VEZT: variants seen among roughly 807,000 people sequenced by gnomAD.
The protein encoded by VEZT is vezatin, adherens junctions transmembrane protein.
In VEZT, 39 loss-of-function variants were observed where a neutral mutation model predicts 79.9. The ratio of observed to expected loss-of-function variants is 0.49; its 90% CI spans 0.38 to 0.64. VEZT has a LOEUF of 0.64. Among genes scored for constraint, VEZT ranks in the 30% least tolerant of loss-of-function variants. The pLI is 0.00. For synonymous variants in VEZT, 325 were observed against 327.6 expected, an observed-to-expected ratio of 0.99 and a Z score of 0.09; for missense variants, 837 against 893.1, an observed-to-expected ratio of 0.94 and a Z score of 0.80.
intron 7 of VEZT, among the ~76,000 whole-genome samples, chr12:95,280,291 A>G (rs940364364): frequency 3.3e-5 from 5 of 152,018 alleles, no homozygotes; most frequent in African/African-American, 9.7e-5. Context: ...CCATAGATCT[A>G]CCCTGTGTGC....
chr12:95,249,317 G>A (rs544306490), intron 1 of VEZT, among the ~76,000 whole-genome samples: 122 of 152,224 alleles, frequency 8.0e-4, no homozygotes, highest in Non-Finnish European at 1.3e-3. Flanking sequence ...TTTAAAGTAT[G>A]TAAGGTCGGC....
At chr12:95,256,457 G>T in intron 2 of VEZT, 2 of 640,642 alleles carry the variant, frequency 3.1e-6, no homozygotes, top group Non-Finnish European at 4.5e-6. Flanking sequence ...ACTTTACATT[G>T]ATTGTAATTC....
intron 4 of VEZT, 98 bp from the exon 5 acceptor site, chr12:95,266,259 A>C: frequency 1.5e-6 from 2 of 1,298,002 alleles, no homozygotes; most frequent in Non-Finnish European, 2.1e-6. Flanking sequence ...TTATTTATTT[A>C]GTAAACCTAA....
At chr12:95,240,866 A>G (rs997731697) in intron 1 of VEZT, among the ~76,000 whole-genome samples, 2 of 152,064 alleles carry the variant, frequency 1.3e-5, no homozygotes, top group South Asian at 2.1e-4. Flanking sequence ...TTGATTCCTT[A>G]TACTCAAAAA....
intron 5 of VEZT, chr12:95,269,739 A>G (rs1318014027): frequency 4.9e-6 from 1 of 203,434 alleles, no homozygotes. Flanking sequence ...CTTAATAAAT[A>G]TTTCTACATT....
chr12:95,252,070 A>G lies in VEZT; in HGVS notation c.167A>G (p.Lys56Arg). 1 of 1,602,290 alleles carries G rather than the reference A, an allele frequency of 6.2e-7. No individual in the cohort carries two copies. The highest frequency in any genetic ancestry group is 8.5e-7 in the Non-Finnish European group (1 of 1,176,364). Reference protein sequence around the residue: ...QQKPPTRVLPKQGILLKVAET... With the variant: ...QQKPPTRVLPRQGILLKVAET... ...AAGCCTCCTACAAGAGTCCTACCAA[A>G]AGTAAGAACGCATGCTCATTCTTTC... The change falls in exon 2 of 12, where the codon AAA becomes AGA. Residue 56 changes from lysine to arginine, a missense_variant and splice_region_variant. Physicochemically the swap from Lys to Arg is conservative, Grantham distance 26. Transcript: ENST00000436874.
At chr12:95,269,978 G>A in intron 5 of VEZT, 73 bp from the exon 6 acceptor site, 1 of 1,512,682 alleles carries the variant, frequency 6.6e-7, no homozygotes, top group Non-Finnish European at 8.9e-7. Context: ...ATAGAATTGT[G>A]GATTTAGGAA....
Position 95,227,684 on chromosome 12 carries a change from C to G in VEZT, c.36+9798C>G, listed in dbSNP as rs541552011. 3.2e-4 allele frequency among the ~76,000 whole-genome samples: 49 copies of G among 152,042 alleles called. No individual in the cohort carries two copies. The East Asian group carries it at 6.8e-3, about 21-fold the overall frequency. ...CAGAGAGTGGGTTTTGACATGTTGC[C>G]CAGGTTCAAGTGATTGTTCTGCCTC... is the stretch of plus-strand genomic sequence containing the variant. On this transcript the variant is annotated intron_variant, in intron 1 of 11. Coordinates refer to ENST00000436874, the MANE Select transcript of VEZT (RefSeq NM_017599.4).
rs1460046431 is a variant in VEZT at position 95,266,550 on chromosome 12, A to G, written c.628A>G (p.Asn210Asp). 2 of 1,613,888 alleles carry G rather than the reference A, an allele frequency of 1.2e-6. No homozygotes were observed. The highest frequency in any genetic ancestry group is 2.7e-5 in the African/African-American group (2 of 74,938). ...YSVHLEDMAT[N>D]SRAFTNLVRK... Reference sequence around the variant, plus strand: ...CGTTCATTTGGAAGATATGGCCACAAACAGCCGAGCTTTTACTAACCTCGT... The same window carrying G: ...CGTTCATTTGGAAGATATGGCCACAGACAGCCGAGCTTTTACTAACCTCGT... The change falls in exon 5 of 12, where the codon AAC (asparagine) becomes GAC (aspartate). Residue 210 changes from asparagine to aspartate, a missense_variant. Physicochemically the swap from Asn to Asp is conservative, Grantham distance 23. Transcript: ENST00000436874.
intron 1 of VEZT, among the ~76,000 whole-genome samples, chr12:95,239,619 G>A (rs1425879892): frequency 6.6e-6 from 1 of 152,108 alleles, no homozygotes; most frequent in South Asian, 2.1e-4. Flanking sequence ...GGTGCATCAG[G>A]GCTAGTGTGA....
At position 95,300,577 on chromosome 12, in the gene VEZT, ATC is replaced by A. The variant is rs781606660; in HGVS notation, c.2251_2252del (p.Ser751LeufsTer12). On this transcript the variant is annotated frameshift_variant, in exon 12 of 12. Transcript: ENST00000436874. LOFTEE classifies it high-confidence loss of function. Reference protein sequence around the residue: ...AGLAAEVAARSLSFTTMQEQT... With the variant: ...AGLAAEVAARXLSFTTMQEQT... The stretch of plus-strand genomic sequence containing the variant: ...GCCTTGCTGCAGAAGTGGCTGCTAG[ATC>A]TCTCTCCTTTACCACCATGCAGGAA... 2.5e-6 allele frequency: 4 copies of A among 1,613,948 alleles called. No homozygotes were observed. The highest frequency in any genetic ancestry group is 2.5e-6 in the Non-Finnish European group (3 of 1,179,894).
intron 1 of VEZT, among the ~76,000 whole-genome samples, chr12:95,229,413 A>T (rs1427794986): frequency 6.6e-6 from 1 of 152,244 alleles, no homozygotes; most frequent in East Asian, 1.9e-4. Context: ...ACGAGGAGTC[A>T]AGAGACTGAC....
intron 3 of VEZT, among the ~76,000 whole-genome samples, chr12:95,259,837 C>T (rs896702021): frequency 5.9e-5 from 9 of 152,150 alleles, no homozygotes; most frequent in Non-Finnish European, 1.0e-4. Flanking sequence ...TACCTTGTAA[C>T]ACAGTTAACA....
chr12:95,220,414 C>T (rs184954544), intron 1 of VEZT, among the ~76,000 whole-genome samples: 68 of 152,242 alleles, frequency 4.5e-4, no homozygotes, highest in Non-Finnish European at 7.8e-4. Context: ...CATGATCGCA[C>T]CGCTGTACTC....
At chr12:95,298,902 TG>T (rs1408026176) in intron 11 of VEZT, 2 of 152,828 alleles carry the variant, frequency 1.3e-5, no homozygotes, top group Non-Finnish European at 2.9e-5. Flanking sequence ...ATTGACATTA[TG>T]GGAAAGATTT....
chr12:95,241,664 G>A (rs1171501659), intron 1 of VEZT, among the ~76,000 whole-genome samples: 1 of 152,102 alleles, frequency 6.6e-6, no homozygotes, highest in Non-Finnish European at 1.5e-5. Context: ...TGTGGGGAGG[G>A]GGAGTTGTGC....
chr12:95,283,035 A>T (rs1368685927), intron 8 of VEZT, among the ~76,000 whole-genome samples: 1 of 152,218 alleles, frequency 6.6e-6, no homozygotes, highest in Non-Finnish European at 1.5e-5. Flanking sequence ...GGAACAGTAT[A>T]TATGTTATAT....
In VEZT at chr12:95,286,496, T is replaced by C. The variant is rs114518779; in HGVS notation, c.1329-1168T>C. The C allele has an allele frequency of 4.6e-3, 2,548 of 554,878 alleles. 59 individuals carry two copies. Among genetic ancestry groups the C allele is most frequent in the African/African-American group, 0.044 (2,317 of 52,376 alleles). The allele number at this position is 554,878 out of a possible 1,614,324, so 34.4% of individuals were successfully genotyped here. A position where few individuals can be genotyped will look rare whatever the true frequency, so the allele number is the denominator to read the frequency against. ...ATTATTCTTTCAGGATCAAGACCTCTGGCAATTCCTCTTGGTTTGTCAACA... is the reference window on the plus strand; with the variant it reads ...ATTATTCTTTCAGGATCAAGACCTCCGGCAATTCCTCTTGGTTTGTCAACA... On this transcript the variant is annotated intron_variant, in intron 8 of 11. Coordinates refer to ENST00000436874, the MANE Select transcript of VEZT (RefSeq NM_017599.4).
rs1190110094 is a variant in VEZT, at chr12:95,300,768, TA to T, written c.*96del. Reference sequence around the variant, plus strand: ...AGGGAATATGAGTGTAAGTTTACTATATATAAAGCTAAGATGTGGATTTACA... The same window carrying T: ...AGGGAATATGAGTGTAAGTTTACTATTATAAAGCTAAGATGTGGATTTACA... On this transcript the variant is annotated 3_prime_UTR_variant, in exon 12 of 12. Transcript: ENST00000436874. The T allele has an allele frequency of 1.4e-6, 2 of 1,399,244 alleles. No individual in the cohort carries two copies. The highest frequency in any genetic ancestry group is 2.5e-5 in the East Asian group (1 of 39,290). The allele number at this position is 1,399,244 out of a possible 1,614,324, so 86.7% of individuals were successfully genotyped here. A position where few individuals can be genotyped will look rare whatever the true frequency, so the allele number is the denominator to read the frequency against.
Sources: allele counts gnomAD v4.1 joint callset (sites outside exome capture counted in the v4.1 genomes callset), GRCh38; gene constraint gnomAD v4.1.1; transcripts MANE v1.5; gene names NCBI Gene and HGNC (gene_info 2026-07-23, HGNC 2026-07-21).